The following CHST12 variants were observed in gnomAD, a reference collection of about 807,000 sequenced individuals.
The protein encoded by CHST12 is carbohydrate sulfotransferase 12.
In CHST12, 23 loss-of-function variants were observed where a neutral mutation model predicts 27.9. The observed-to-expected ratio is 0.82, with a 90% CI of 0.59 to 1.17. The LOEUF is 1.17. Among genes scored for constraint, CHST12 ranks in the 50% most tolerant of loss-of-function variants. CHST12 has a pLI of 0.00. For missense variants in CHST12, 682 were observed against 603.0 expected, an observed-to-expected ratio of 1.13 and a Z score of -1.37; for synonymous variants, 322 against 273.0, an observed-to-expected ratio of 1.18 and a Z score of -1.77.
intron 1 of CHST12, among the ~76,000 whole-genome samples, chr7:2,424,722 C>A (rs1389287382): frequency 6.6e-6 from 1 of 152,194 alleles, no homozygotes; most frequent in East Asian, 1.9e-4. Flanking sequence ...AGAGGTCAAG[C>A]CTGCTCCCCC....
Position 2,434,101 on chromosome 7 carries a change from TCCGCCCGCCCACCCGC to T in CHST12, c.*226_*241del. ...CTGGAGTAAAATATCCCCTCTCCCC[TCCGCCCGCCCACCCGC>T]CCGCCCGCTCGCCCGCTCGCCCGCT... On this transcript the variant is annotated 3_prime_UTR_variant, in exon 2 of 2. Transcript: ENST00000618655. The T allele has an allele frequency of 1.3e-5, 5 of 373,986 alleles. No homozygotes were observed. The highest frequency in any genetic ancestry group is 2.4e-5 in the Non-Finnish European group (5 of 207,238). The allele number at this position is 373,986 out of a possible 1,614,324, so 23.2% of individuals were successfully genotyped here. A position where few individuals can be genotyped will look rare whatever the true frequency, so the allele number is the denominator to read the frequency against.
chr7:2,415,706 G>A (rs1034930673), intron 1 of CHST12, among the ~76,000 whole-genome samples: 49 of 151,098 alleles, frequency 3.2e-4, no homozygotes, highest in African/African-American at 2.7e-4. Flanking sequence ...TCCGCCTCCC[G>A]GGTTCACGCC....
intron 1 of CHST12, among the ~76,000 whole-genome samples, chr7:2,412,936 A>G (rs1432831445): frequency 1.3e-5 from 2 of 152,106 alleles, no homozygotes; most frequent in African/African-American, 4.8e-5. Context: ...CTCTTGGTAG[A>G]AAGCATGAGT....
chr7:2,433,670 C>G lies in CHST12; in HGVS notation c.1031C>G (p.Thr344Ser). The G allele has an allele frequency of 6.2e-7, 1 of 1,613,566 alleles. No individual in the cohort carries two copies. The highest frequency in any genetic ancestry group is 8.5e-7 in the Non-Finnish European group (1 of 1,179,760). ...IDYDFVGKLE[T>S]LDEDAAQLLQ... ...TACGACTTCGTGGGGAAGCTGGAGA[C>G]TCTGGACGAGGACGCCGCGCAGCTG... Residue 344 changes from threonine (T) to serine (S), a missense_variant, in exon 2 of 2, where the codon ACT (threonine) becomes AGT (serine). Coordinates refer to ENST00000618655, the MANE Select transcript of CHST12 (RefSeq NM_018641.5). This position sits in a 1 kb window ranked among gnomAD's most constrained non-coding sequence, Gnocchi z 6.1.
At chr7:2,404,719 T>G (rs1252705101) in intron 1 of CHST12, among the ~76,000 whole-genome samples, 1 of 152,236 alleles carries the variant, frequency 6.6e-6, no homozygotes, top group Non-Finnish European at 1.5e-5. Flanking sequence ...GTGCAACGCT[T>G]GAGATCTGAA....
At chr7:2,404,358 G>T (rs1781465450) in intron 1 of CHST12, among the ~76,000 whole-genome samples, 1 of 152,112 alleles carries the variant, frequency 6.6e-6, no homozygotes, top group African/African-American at 2.4e-5. Context: ...GCAAAGCCTT[G>T]GCTCGGGCAG....
chr7:2,430,973 G>T, intron 1 of CHST12, among the ~76,000 whole-genome samples: 1 of 152,346 alleles, frequency 6.6e-6, no homozygotes, highest in South Asian at 2.1e-4. Flanking sequence ...GTGTTCTCTT[G>T]TTAGGTGAGT....
In CHST12 at chr7:2,443,569, G is replaced by T. The variant is rs1782671834; in HGVS notation, c.*9685G>T. The T allele has an allele frequency of 6.6e-6, 1 of 152,120 alleles. No homozygotes were observed. The highest frequency in any genetic ancestry group is 1.5e-5 in the Non-Finnish European group (1 of 68,040). 9.4% of individuals were successfully genotyped at this position (152,120 alleles called of 1,614,324 possible). A position where few individuals can be genotyped will look rare whatever the true frequency, so the allele number is the denominator to read the frequency against. ...TATGGTAATTTATCTTTAATTTTTG[G>T]AGGAATTGAATTTCAATTCTTATTA... is the stretch of plus-strand genomic sequence containing the variant. On this transcript the variant is annotated 3_prime_UTR_variant, in exon 2 of 2. Transcript: ENST00000618655.
rs1039433391 is a variant in CHST12 at position 2,440,851 on chromosome 7, G to A, written c.*6967G>A. On this transcript the variant is annotated 3_prime_UTR_variant, in exon 2 of 2. Transcript: ENST00000618655. Reference sequence around the variant, plus strand: ...AGTCAACGATACTTCTTGTGCTGTCGTTTCTCCGGCCGTGTGAAGTTACCA... The same window carrying A: ...AGTCAACGATACTTCTTGTGCTGTCATTTCTCCGGCCGTGTGAAGTTACCA... 6.6e-6 allele frequency: 1 copy of A among 152,160 alleles called. No individual in the cohort carries two copies. Among genetic ancestry groups the A allele is most frequent in the Non-Finnish European group, 1.5e-5 (1 of 68,042 alleles). The allele number at this position is 152,160 out of a possible 1,614,324, so 9.4% of individuals were successfully genotyped here.
At chr7:2,407,731 A>G (rs542871272) in intron 1 of CHST12, among the ~76,000 whole-genome samples, 5 of 152,034 alleles carry the variant, frequency 3.3e-5, no homozygotes, top group Non-Finnish European at 4.4e-5. Flanking sequence ...GGAGTTCGAG[A>G]CCAGCCTGGC....
rs546878454 is a variant in CHST12, at chr7:2,448,254, C to G, written c.*14370C>G. 1 of 152,288 alleles carries G rather than the reference C, an allele frequency of 6.6e-6. No homozygotes were observed. The highest frequency in any genetic ancestry group is 1.5e-5 in the Non-Finnish European group (1 of 68,068). 9.4% of individuals were successfully genotyped at this position (152,288 alleles called of 1,614,324 possible). ...ACCCTGCTCTCGCCAGGTGCCTTCC[C>G]GGCAGGTTGTCTCTGCCTCCCCTTG... is the stretch of plus-strand genomic sequence containing the variant. On this transcript the variant is annotated 3_prime_UTR_variant, in exon 2 of 2. Coordinates refer to ENST00000618655, the MANE Select transcript of CHST12 (RefSeq NM_018641.5).
Position 2,433,672 on chromosome 7 carries a change from CTG to C in CHST12, c.1034_1035del (p.Leu345ArgfsTer49), listed in dbSNP as rs759657614. 4 of 1,613,554 alleles carry C rather than the reference CTG, an allele frequency of 2.5e-6. No homozygotes were observed. In the South Asian group the frequency reaches 4.4e-5, roughly 18 times the overall value. ...CGACTTCGTGGGGAAGCTGGAGACT[CTG>C]GACGAGGACGCCGCGCAGCTGCTGC... ...DYDFVGKLET[L>X]DEDAAQLLQL... On this transcript the variant is annotated frameshift_variant, in exon 2 of 2. Transcript: ENST00000618655. LOFTEE classifies it high-confidence loss of function. This position sits in a 1 kb window ranked among gnomAD's most constrained non-coding sequence, Gnocchi z 6.1.
chr7:2,431,750 C>G (rs1055299532), intron 1 of CHST12, among the ~76,000 whole-genome samples: 3 of 152,214 alleles, frequency 2.0e-5, no homozygotes, highest in Non-Finnish European at 2.9e-5. Flanking sequence ...GGAAGGTCAG[C>G]TCTCAGGGTG....
chr7:2,431,676 A>T (rs2115438295), intron 1 of CHST12, among the ~76,000 whole-genome samples: 1 of 151,850 alleles, frequency 6.6e-6, no homozygotes, highest in Non-Finnish European at 1.5e-5. Context: ...CCCCACCAAC[A>T]CCCCCTGGTG....
At chr7:2,417,497 C>T (rs1027217131) in intron 1 of CHST12, among the ~76,000 whole-genome samples, 3 of 149,736 alleles carry the variant, frequency 2.0e-5, no homozygotes, top group African/African-American at 7.4e-5. Context: ...TCAAACTATT[C>T]TCCTGCCTCA....
intron 1 of CHST12, among the ~76,000 whole-genome samples, chr7:2,404,839 G>C (rs966925948): frequency 3.1e-4 from 47 of 152,364 alleles, no homozygotes; most frequent in Non-Finnish European, 6.2e-4. Flanking sequence ...TCACTCAGCT[G>C]ACTCCAGCTT....
At chr7:2,424,628 C>T (rs562298735) in intron 1 of CHST12, among the ~76,000 whole-genome samples, 1 of 152,280 alleles carries the variant, frequency 6.6e-6, no homozygotes, top group Non-Finnish European at 1.5e-5. Flanking sequence ...GATCTTACTA[C>T]AGTTTTTGGC....
rs1273112050 is a variant in CHST12 at position 2,435,958 on chromosome 7, G to T, written c.*2074G>T. Reference sequence around the variant, plus strand: ...GACTCCCAAGTAGCTGGGGTTACAGGTGAGCGCCAGCCTGCCCAGCTAGTT... The same window carrying T: ...GACTCCCAAGTAGCTGGGGTTACAGTTGAGCGCCAGCCTGCCCAGCTAGTT... On this transcript the variant is annotated 3_prime_UTR_variant, in exon 2 of 2. Coordinates refer to ENST00000618655, the MANE Select transcript of CHST12 (RefSeq NM_018641.5). The T allele has an allele frequency of 6.6e-6, 1 of 152,216 alleles. No homozygotes were observed. The highest frequency in any genetic ancestry group is 6.6e-5 in the Admixed American group (1 of 15,254). 9.4% of individuals were successfully genotyped at this position (152,216 alleles called of 1,614,324 possible). A position where few individuals can be genotyped will look rare whatever the true frequency, so the allele number is the denominator to read the frequency against.
At chr7:2,409,618 T>C (rs1234944875) in intron 1 of CHST12, among the ~76,000 whole-genome samples, 1 of 62,676 alleles carries the variant, frequency 1.6e-5, no homozygotes, top group African/African-American at 9.0e-5. Flanking sequence ...CAAGATCCTG[T>C]CTCAAAGAAA....
Sources: gnomAD v4.1 joint callset for allele counts (sites outside exome capture counted in the v4.1 genomes callset) on GRCh38, gnomAD v4.1.1 for gene constraint, Gnocchi (gnomAD v3.1) non-coding constraint, MANE v1.5 for transcripts, NCBI Gene and HGNC (gene_info 2026-07-23, HGNC 2026-07-21) for gene names.